RGS17: variants seen among roughly 807,000 people sequenced by gnomAD.
RGS17 encodes the protein regulator of G-protein signaling 17.
Under a neutral mutation model 25.5 loss-of-function variants are expected in RGS17, and 12 were observed. That is an observed-to-expected ratio of 0.47 (90% confidence interval 0.30 to 0.76). RGS17 has a LOEUF of 0.76. Among genes scored for constraint, RGS17 ranks in the 30% least tolerant of loss-of-function variants. The pLI, the probability that RGS17 is intolerant of heterozygous loss-of-function variation, is 0.07. For missense variants in RGS17, 196 were observed against 242.2 expected (o/e 0.81, Z 1.27); for synonymous variants, 71 against 76.9 (o/e 0.92, Z 0.40).
chr6:153,104,197 C>A (rs897090936), intron 1 of RGS17, among the ~76,000 whole-genome samples: 8 of 152,122 alleles, frequency 5.3e-5, no homozygotes, highest in Admixed American at 2.0e-4. Context: ...CATCTTAATT[C>A]AATGTTGTTT....
chr6:153,005,189 CAATT>C lies in RGS17; in HGVS notation c.*6381_*6384del, dbSNP rs1180290624. On this transcript the variant is annotated 3_prime_UTR_variant, in exon 5 of 5. Coordinates refer to ENST00000206262, the MANE Select transcript of RGS17 (RefSeq NM_012419.5). Reference sequence around the variant, plus strand: ...TTTAAATTTAAATTACCTCTTATGACAATTAGTAAGATAAGATCTTTAATATCCA... The same window carrying C: ...TTTAAATTTAAATTACCTCTTATGACAGTAAGATAAGATCTTTAATATCCA... 1 of 152,106 alleles carries C rather than the reference CAATT, an allele frequency of 6.6e-6. No individual in the cohort carries two copies. The highest frequency in any genetic ancestry group is 2.4e-5 in the African/African-American group (1 of 41,412). The allele number at this position is 152,106 out of a possible 1,614,324, so 9.4% of individuals were successfully genotyped here.
chr6:153,085,917 G>C (rs1020424979), intron 1 of RGS17, among the ~76,000 whole-genome samples: 9 of 152,078 alleles, frequency 5.9e-5, no homozygotes. Context: ...ACTGTAGAGG[G>C]GGCAGGCTGT....
intron 3 of RGS17, 41 bp downstream of exon 3, chr6:153,026,413 A>G (rs767403109): frequency 1.4e-6 from 2 of 1,453,828 alleles, no homozygotes; most frequent in African/African-American, 1.4e-5. Flanking sequence ...TAAATGGCAT[A>G]TAAATGCAAG....
chr6:153,111,903 G>A (rs898224689), intron 1 of RGS17, among the ~76,000 whole-genome samples: 1 of 152,160 alleles, frequency 6.6e-6, no homozygotes. Context: ...CAACAAAAAG[G>A]ACGTCCACAC....
intron 1 of RGS17, among the ~76,000 whole-genome samples, chr6:153,095,219 CAG>C (rs1238569627): frequency 6.6e-6 from 1 of 151,960 alleles, no homozygotes; most frequent in Non-Finnish European, 1.5e-5. Flanking sequence ...TCCTGAGTAA[CAG>C]AAAGAGAAAA....
chr6:153,036,767 A>G (rs1363037027), intron 2 of RGS17, among the ~76,000 whole-genome samples: 3 of 152,068 alleles, frequency 2.0e-5, no homozygotes, highest in African/African-American at 7.2e-5. Context: ...TCTTGGCAGT[A>G]TATCCTAATT....
At chr6:153,080,606 T>A (rs1651109544) in intron 1 of RGS17, among the ~76,000 whole-genome samples, 1 of 152,132 alleles carries the variant, frequency 6.6e-6, no homozygotes, top group Non-Finnish European at 1.5e-5. Context: ...ATTTTCATGA[T>A]TTCTGCCTTA....
chr6:153,103,251 T>C (rs1488516809), intron 1 of RGS17, among the ~76,000 whole-genome samples: 2 of 152,228 alleles, frequency 1.3e-5, no homozygotes, highest in African/African-American at 2.4e-5. Flanking sequence ...TAAGGAATAA[T>C]GGGCTGAGAT....
chr6:153,044,842 T>C (rs889945175), intron 1 of RGS17, among the ~76,000 whole-genome samples: 4 of 152,230 alleles, frequency 2.6e-5, no homozygotes, highest in Non-Finnish European at 5.9e-5. Context: ...TACCTATTTA[T>C]AGGACCAATC....
chr6:153,061,422 CTG>C (rs146646798), intron 1 of RGS17, among the ~76,000 whole-genome samples: 266 of 152,236 alleles, frequency 1.7e-3, no homozygotes, highest in African/African-American at 6.1e-3. Flanking sequence ...ATTCATAAAA[CTG>C]TTTTTCAGAG....
chr6:153,086,662 T>C (rs546779007), intron 1 of RGS17, among the ~76,000 whole-genome samples: 20 of 152,218 alleles, frequency 1.3e-4, no homozygotes, highest in African/African-American at 3.9e-4. Context: ...CATCAAGAGG[T>C]AGGCATTATT....
At chr6:153,096,419 G>C (rs1777213572) in intron 1 of RGS17, among the ~76,000 whole-genome samples, 1 of 152,208 alleles carries the variant, frequency 6.6e-6, no homozygotes, top group Non-Finnish European at 1.5e-5. Context: ...TTGGCAAAGT[G>C]TTTACTCCCG....
chr6:153,012,333 CA>C (rs1779142469), intron 4 of RGS17, among the ~76,000 whole-genome samples: 1 of 152,192 alleles, frequency 6.6e-6, no homozygotes. Flanking sequence ...CAAGGACTAG[CA>C]AACATCCTTA....
At chr6:153,024,222 G>T in intron 4 of RGS17, 40 bp downstream of exon 4, 2 of 1,373,778 alleles carry the variant, frequency 1.5e-6, no homozygotes, top group Non-Finnish European at 2.1e-6. Context: ...GGTTATCCTT[G>T]GTCTTAGGAA....
In RGS17 at chr6:153,008,823, T is replaced by G. The variant is rs1185363158; in HGVS notation, c.*2751A>C. The G allele has an allele frequency of 6.6e-6, 1 of 152,184 alleles. No individual in the cohort carries two copies. The highest frequency in any genetic ancestry group is 6.5e-5 in the Admixed American group (1 of 15,276). The allele number at this position is 152,184 out of a possible 1,614,324, so 9.4% of individuals were successfully genotyped here. On this transcript the variant is annotated 3_prime_UTR_variant, in exon 5 of 5. Transcript: ENST00000206262. ...TAGCATAGACACCAGTTGAAGGCTC[T>G]TTTGTTTATTTATAATAGCTCTGTA...
In RGS17 at chr6:153,130,068, G is replaced by C. The variant is rs1224420123; in HGVS notation, c.-26+1056C>G. 1.3e-5 allele frequency among the ~76,000 whole-genome samples: 2 copies of C among 152,090 alleles called. No homozygotes were observed. The highest frequency in any genetic ancestry group is 6.5e-5 in the Admixed American group (1 of 15,284). ...ACAAGGTGCCAGCAGCCTCGGGCTCGCGAGGAGCAGCTCCCACCCGCGGCT... is the reference window on the plus strand; with the variant it reads ...ACAAGGTGCCAGCAGCCTCGGGCTCCCGAGGAGCAGCTCCCACCCGCGGCT... On this transcript the variant is annotated intron_variant, in intron 1 of 4. Transcript: ENST00000206262. The surrounding 1 kb of genome is among the most constrained non-coding windows in gnomAD (Gnocchi z 6.4).
intron 4 of RGS17, among the ~76,000 whole-genome samples, chr6:153,014,797 CAAAAAAAA>C (rs34132794): frequency 1.0e-5 from 1 of 97,172 alleles, no homozygotes; most frequent in South Asian, 3.1e-4. Context: ...GACTCCGTCT[CAAAAAAAA>C]AAAAAAAAGA....
At chr6:153,093,820 G>C (rs570401782) in intron 1 of RGS17, among the ~76,000 whole-genome samples, 1 of 151,992 alleles carries the variant, frequency 6.6e-6, no homozygotes, top group Admixed American at 6.6e-5. Flanking sequence ...TGCAGTCAGG[G>C]GACTTGAACT....
At chr6:153,065,683 G>C (rs1286577842) in intron 1 of RGS17, among the ~76,000 whole-genome samples, 1 of 152,140 alleles carries the variant, frequency 6.6e-6, no homozygotes, top group African/African-American at 2.4e-5. Flanking sequence ...TGAATGACCA[G>C]TGGGTCAATG....
Sources: allele counts gnomAD v4.1 joint callset (sites outside exome capture counted in the v4.1 genomes callset), GRCh38; gene constraint gnomAD v4.1.1; non-coding constraint Gnocchi (gnomAD v3.1); transcripts MANE v1.5; gene names NCBI Gene and HGNC (gene_info 2026-07-23, HGNC 2026-07-21).